Variants in SLC35D4 observed in about 807,000 individuals in gnomAD.
SLC35D4 encodes solute carrier family 35 member D4.
chr18:23,267,054 G>T, the SLC35D4 span, among the ~76,000 whole-genome samples: 1 of 152,192 alleles, frequency 6.6e-6, no homozygotes, highest in Non-Finnish European at 1.5e-5. Flanking sequence ...GCCCTAAACC[G>T]CATCTGCATG....
the SLC35D4 span, among the ~76,000 whole-genome samples, chr18:23,343,520 T>C: frequency 6.6e-6 from 1 of 152,146 alleles, no homozygotes; most frequent in African/African-American, 2.4e-5. Context: ...GGATTACAGG[T>C]CTGAGCCACC....
chr18:23,327,876 C>G, the SLC35D4 span, among the ~76,000 whole-genome samples: 1 of 152,260 alleles, frequency 6.6e-6, no homozygotes, highest in African/African-American at 2.4e-5. Context: ...CGGCTTCATC[C>G]CTGGGATGCA....
the SLC35D4 span, among the ~76,000 whole-genome samples, chr18:23,293,196 A>G: frequency 9.6e-3 from 1,460 of 152,306 alleles, 26 homozygotes; most frequent in African/African-American, 0.034. Context: ...GTGAGCCGAG[A>G]TCGCGCCATT....
At chr18:23,393,294 G>A in the SLC35D4 span, among the ~76,000 whole-genome samples, 13 of 151,684 alleles carry the variant, frequency 8.6e-5, no homozygotes, top group Non-Finnish European at 1.9e-4. Context: ...AGCATAGTCC[G>A]TTCACACTTC....
chr18:23,426,009 T>C, the SLC35D4 span, among the ~76,000 whole-genome samples: 2 of 151,990 alleles, frequency 1.3e-5, no homozygotes, highest in Non-Finnish European at 2.9e-5. Context: ...AAAGGAAGGA[T>C]TATAGAATAA....
At chr18:23,356,761 T>C in the SLC35D4 span, 2 of 1,042,344 alleles carry the variant, frequency 1.9e-6, no homozygotes, top group Non-Finnish European at 2.9e-6. The surrounding 1 kb of genome is among the most constrained non-coding windows in gnomAD (Gnocchi z 4.1). Flanking sequence ...TCTTTAGCAG[T>C]CCTGTGCTTT....
At chr18:23,281,809 A>C in the SLC35D4 span, among the ~76,000 whole-genome samples, 1 of 152,238 alleles carries the variant, frequency 6.6e-6, no homozygotes, top group South Asian at 2.1e-4. Context: ...AGCCTCCAGC[A>C]ACAGGAGTGG....
chr18:23,405,435 C>G, the SLC35D4 span, among the ~76,000 whole-genome samples: 1 of 152,214 alleles, frequency 6.6e-6, no homozygotes, highest in Non-Finnish European at 1.5e-5. Context: ...AGTGATCCAC[C>G]TGCCTTGGCC....
chr18:23,388,378 T>C, the SLC35D4 span, among the ~76,000 whole-genome samples: 2 of 152,212 alleles, frequency 1.3e-5, no homozygotes, highest in Non-Finnish European at 2.9e-5. Context: ...TCTTACCAGA[T>C]GCTATTACCC....
At chr18:23,430,583 G>A in the SLC35D4 span, 2 of 1,453,806 alleles carry the variant, frequency 1.4e-6, no homozygotes, top group African/African-American at 2.8e-5. Context: ...AATGATGGTG[G>A]TTGGACATTT....
chr18:23,239,034 T>C, the SLC35D4 span, among the ~76,000 whole-genome samples: 1 of 152,250 alleles, frequency 6.6e-6, no homozygotes, highest in Non-Finnish European at 1.5e-5. Flanking sequence ...CCTCTCCTTT[T>C]ATAGGCCTAG....
chr18:23,341,312 C>A, the SLC35D4 span, among the ~76,000 whole-genome samples: 2 of 152,112 alleles, frequency 1.3e-5, no homozygotes, highest in African/African-American at 2.4e-5. Context: ...TTTTTCTCCA[C>A]GCTAAGTATT....
At chr18:23,269,658 G>T in the SLC35D4 span, among the ~76,000 whole-genome samples, 32 of 152,218 alleles carry the variant, frequency 2.1e-4, no homozygotes, top group African/African-American at 7.5e-4. Flanking sequence ...TCCTAGAGAC[G>T]TGTTGAATGG....
chr18:23,322,056 C>T, the SLC35D4 span, among the ~76,000 whole-genome samples: 36 of 152,334 alleles, frequency 2.4e-4, 1 homozygote, highest in East Asian at 4.8e-3. Flanking sequence ...TGTATCATTT[C>T]AACATCTTCC....
chr18:23,274,092 G>A, the SLC35D4 span, among the ~76,000 whole-genome samples: 1 of 151,936 alleles, frequency 6.6e-6, no homozygotes, highest in Non-Finnish European at 1.5e-5. Flanking sequence ...ACGCCACCAC[G>A]CCTGGCTAGT....
chr18:23,386,147 A>C, the SLC35D4 span, among the ~76,000 whole-genome samples: 14 of 150,370 alleles, frequency 9.3e-5, no homozygotes, highest in Admixed American at 3.3e-4. Context: ...AAAAAAAAAA[A>C]GAAAGAAAAA....
the SLC35D4 span, among the ~76,000 whole-genome samples, chr18:23,397,167 C>T: frequency 6.6e-6 from 1 of 152,142 alleles, no homozygotes; most frequent in African/African-American, 2.4e-5. Flanking sequence ...ATCTGGGACC[C>T]AGGCAGAGAT....
chr18:23,427,276 A>G, the SLC35D4 span, among the ~76,000 whole-genome samples: 1 of 152,186 alleles, frequency 6.6e-6, no homozygotes, highest in Non-Finnish European at 1.5e-5. Context: ...CCATCTGACA[A>G]ACGGCTAATA....
the SLC35D4 span, chr18:23,365,629 T>C: frequency 1.2e-6 from 2 of 1,613,374 alleles, no homozygotes; most frequent in Middle Eastern, 1.7e-4. Context: ...TCCGGGGGCA[T>C]TTACCTGTGG....
Sources: allele counts gnomAD v4.1 joint callset (sites outside exome capture counted in the v4.1 genomes callset), GRCh38; gene constraint gnomAD v4.1.1; non-coding constraint Gnocchi (gnomAD v3.1); transcripts MANE v1.5; gene names NCBI Gene and HGNC (gene_info 2026-07-23, HGNC 2026-07-21).